ATE1: variants seen among roughly 807,000 people sequenced by gnomAD.
The protein encoded by ATE1 is arginyl-tRNA--protein transferase 1.
ATE1 carries 36 observed loss-of-function variants against 70.5 expected under a neutral mutation model. The ratio of observed to expected loss-of-function variants is 0.51; its 90% CI spans 0.39 to 0.67. ATE1 has a LOEUF of 0.67. Ranked by LOEUF, ATE1 falls within the 30% of genes least tolerant of loss-of-function variation. The probability of loss-of-function intolerance (pLI) is 0.00; values close to 1 mark genes in which losing one functional copy is unlikely to be tolerated. For synonymous variants in ATE1, 232 were observed against 219.3 expected, an observed-to-expected ratio of 1.06 and a Z score of -0.51; for missense variants, 593 against 629.5, an observed-to-expected ratio of 0.94 and a Z score of 0.62.
intron 8 of ATE1, among the ~76,000 whole-genome samples, chr10:121,860,378 A>G (rs1165964887): frequency 6.6e-6 from 1 of 152,244 alleles, no homozygotes; most frequent in Non-Finnish European, 1.5e-5. Context: ...ATCACACTGT[A>G]TCAACGTGCT....
chr10:121,747,291 C>T (rs1332278657), intron 11 of ATE1, among the ~76,000 whole-genome samples: 2 of 152,180 alleles, frequency 1.3e-5, no homozygotes, highest in Non-Finnish European at 2.9e-5. Flanking sequence ...GTTTCATCTG[C>T]GCCTGCTTGC....
rs1260977175 is a variant in ATE1 at position 121,743,558 on chromosome 10, T to C, written c.*122A>G. 1.1e-5 allele frequency: 15 copies of C among 1,383,576 alleles called. No individual in the cohort carries two copies. The highest frequency in any genetic ancestry group is 1.3e-5 in the Non-Finnish European group (14 of 1,072,286). 85.7% of individuals were successfully genotyped at this position (1,383,576 alleles called of 1,614,324 possible). A position where few individuals can be genotyped will look rare whatever the true frequency, so the allele number is the denominator to read the frequency against. On this transcript the variant is annotated 3_prime_UTR_variant, in exon 12 of 12. Transcript: ENST00000224652. ...CAAAATATTTTTTAAAAGCCATAGA[T>C]AGTCAAAATAAAAAATGTCTAATTT...
intron 7 of ATE1, among the ~76,000 whole-genome samples, chr10:121,877,331 G>A (rs191538598): frequency 2.6e-4 from 40 of 152,210 alleles, no homozygotes; most frequent in Admixed American, 2.2e-3. Flanking sequence ...CACTAAGGCC[G>A]AAATTTTATA....
At chr10:121,899,724 A>T in intron 7 of ATE1, 142 bp downstream of exon 7, 1 of 1,239,800 alleles carries the variant, frequency 8.1e-7, no homozygotes, top group Non-Finnish European at 1.1e-6. Flanking sequence ...AATGTCCATT[A>T]ATTCAGTCTT....
At chr10:121,779,972 A>T (rs372014588) in intron 11 of ATE1, among the ~76,000 whole-genome samples, 1 of 152,098 alleles carries the variant, frequency 6.6e-6, no homozygotes, top group Admixed American at 6.5e-5. Flanking sequence ...CTGGCCTCCA[A>T]TGGAATTCTT....
intron 11 of ATE1, 106 bp downstream of exon 11, chr10:121,790,063 T>C: frequency 6.8e-7 from 1 of 1,478,316 alleles, no homozygotes; most frequent in Non-Finnish European, 9.2e-7. Flanking sequence ...CAGCATACTC[T>C]ATAATATACA....
At chr10:121,815,355 G>C (rs902459090) in intron 10 of ATE1, among the ~76,000 whole-genome samples, 1 of 152,042 alleles carries the variant, frequency 6.6e-6, no homozygotes, top group Non-Finnish European at 1.5e-5. Flanking sequence ...CCAGGATGGT[G>C]TCATCTCCTG....
intron 8 of ATE1, among the ~76,000 whole-genome samples, chr10:121,866,347 A>G (rs1467683657): frequency 6.6e-6 from 1 of 152,188 alleles, no homozygotes; most frequent in Non-Finnish European, 1.5e-5. Context: ...TTTAATTTTG[A>G]TTTCTCTTCC....
intron 5 of ATE1, among the ~76,000 whole-genome samples, chr10:121,907,684 G>A (rs1344742136): frequency 1.3e-5 from 2 of 151,658 alleles, no homozygotes; most frequent in Non-Finnish European, 2.9e-5. Context: ...CAGGAGAATG[G>A]CGTGAACCCG....
At chr10:121,894,860 C>T (rs181541476) in intron 7 of ATE1, among the ~76,000 whole-genome samples, 202 of 152,036 alleles carry the variant, frequency 1.3e-3, no homozygotes, top group Non-Finnish European at 2.3e-3. Context: ...GAGATCGCAC[C>T]GCTGCACTCC....
At position 121,743,553 on chromosome 10, in the gene ATE1, A is replaced by G; in HGVS notation, c.*127T>C. 1 of 1,383,560 alleles carries G rather than the reference A, an allele frequency of 7.2e-7. No individual in the cohort carries two copies. Among genetic ancestry groups the G allele is most frequent in the Non-Finnish European group, 9.3e-7 (1 of 1,072,506 alleles). The allele number at this position is 1,383,560 out of a possible 1,614,324, so 85.7% of individuals were successfully genotyped here. A position where few individuals can be genotyped will look rare whatever the true frequency, so the allele number is the denominator to read the frequency against. On this transcript the variant is annotated 3_prime_UTR_variant, in exon 12 of 12. Transcript: ENST00000224652. ...TGCCACAAAATATTTTTTAAAAGCC[A>G]TAGATAGTCAAAATAAAAAATGTCT...
intron 1 of ATE1, among the ~76,000 whole-genome samples, chr10:121,925,540 A>G (rs934344355): frequency 5.9e-5 from 9 of 151,954 alleles, no homozygotes; most frequent in African/African-American, 2.2e-4. Flanking sequence ...CGCAACTATG[A>G]AAAAAAACGA....
rs772135969 is a variant in ATE1 at position 121,910,932 on chromosome 10, A to T, written c.557T>A (p.Val186Asp). 6.2e-7 allele frequency: 1 copy of T among 1,613,418 alleles called. No homozygotes were observed. Among genetic ancestry groups the T allele is most frequent in the Non-Finnish European group, 8.5e-7 (1 of 1,179,932 alleles). ...KLGSGEPSHS[V>D]KVHTVPKPGK... Reference sequence around the variant, plus strand: ...TGGCTTAGGAACTGTGTGAACTTTAACTGAATGTGACGGTTCACCAGAGCC... The same window carrying T: ...TGGCTTAGGAACTGTGTGAACTTTATCTGAATGTGACGGTTCACCAGAGCC... Residue 186 changes from valine to aspartate, a missense_variant, in exon 5 of 12, where the codon GTT (valine) becomes GAT (aspartate). Physicochemically the swap from Val to Asp is radical, Grantham distance 152 (BLOSUM62 -3). Transcript: ENST00000224652.
At chr10:121,810,795 A>C (rs1055772693) in intron 10 of ATE1, among the ~76,000 whole-genome samples, 7 of 152,150 alleles carry the variant, frequency 4.6e-5, no homozygotes, top group African/African-American at 1.7e-4. Context: ...CTCCACCTCC[A>C]GGATTCAAGC....
At position 121,855,637 on chromosome 10, in the gene ATE1, CAT is replaced by C. The variant is rs1189100111; in HGVS notation, c.975+14367_975+14368del. 2.0e-5 allele frequency among the ~76,000 whole-genome samples: 3 copies of C among 152,280 alleles called. No individual in the cohort carries two copies. The South Asian group carries it at 6.2e-4, about 32-fold the overall frequency. On this transcript the variant is annotated intron_variant, in intron 8 of 11. Coordinates refer to ENST00000224652, the MANE Select transcript of ATE1 (RefSeq NM_001001976.3). Reference sequence around the variant, plus strand: ...ACCTCCAGAGGGTATTAATAAATTACATGTTACAGCTCTTAAACAGAAGAGCT... The same window carrying C: ...ACCTCCAGAGGGTATTAATAAATTACGTTACAGCTCTTAAACAGAAGAGCT...
intron 4 of ATE1, 102 bp downstream of exon 4, chr10:121,913,688 G>A (rs1951532705): frequency 8.2e-6 from 6 of 731,718 alleles, no homozygotes; most frequent in African/African-American, 1.8e-5. Context: ...AGTAGTAGCA[G>A]TACATGACTG....
intron 3 of ATE1, among the ~76,000 whole-genome samples, chr10:121,914,397 C>T (rs1257529605): frequency 3.4e-5 from 5 of 149,078 alleles, no homozygotes; most frequent in African/African-American, 1.2e-4. Flanking sequence ...GAGAGAAAGA[C>T]ATAAAACACT....
At chr10:121,812,118 A>C (rs977525785) in intron 10 of ATE1, among the ~76,000 whole-genome samples, 2 of 151,708 alleles carry the variant, frequency 1.3e-5, no homozygotes, top group Non-Finnish European at 2.9e-5. Flanking sequence ...ACCACGCCTG[A>C]CTAATTTTTG....
chr10:121,830,461 C>T (rs926328768), intron 10 of ATE1, among the ~76,000 whole-genome samples: 7 of 152,148 alleles, frequency 4.6e-5, no homozygotes, highest in Admixed American at 2.0e-4. Context: ...TCACCAGAAG[C>T]TGGGCAGATG....
Sources: gnomAD v4.1 joint callset for allele counts (sites outside exome capture counted in the v4.1 genomes callset) on GRCh38, gnomAD v4.1.1 for gene constraint, MANE v1.5 for transcripts, NCBI Gene and HGNC (gene_info 2026-07-23, HGNC 2026-07-21) for gene names.